NRXN1: variants seen among roughly 807,000 people sequenced by gnomAD.
The protein encoded by NRXN1 is neurexin-1.
A neutral mutation model predicts 150.9 loss-of-function variants in NRXN1; 39 were observed. The ratio of observed to expected loss-of-function variants is 0.26; its 90% CI spans 0.20 to 0.34. The LOEUF (loss-of-function observed/expected upper bound fraction) is 0.34, where lower values mean the gene tolerates loss of function less well. Among genes scored for constraint, NRXN1 ranks in the 10% least tolerant of loss-of-function variants. The pLI is 1.00. For synonymous variants in NRXN1, 924 were observed against 757.0 expected, an observed-to-expected ratio of 1.22 and a Z score of -3.62; for missense variants, 1,815 against 1,949.9, an observed-to-expected ratio of 0.93 and a Z score of 1.30.
chr2:50,176,336 T>G (rs2060353647), intron 18 of NRXN1, among the ~76,000 whole-genome samples: 1 of 152,130 alleles, frequency 6.6e-6, no homozygotes, highest in African/African-American at 2.4e-5. Flanking sequence ...ACAACTCAGT[T>G]TTGGAAACTT....
intron 8 of NRXN1, among the ~76,000 whole-genome samples, chr2:50,603,731 G>A (rs1436441594): frequency 1.3e-5 from 2 of 152,070 alleles, no homozygotes; most frequent in Non-Finnish European, 2.9e-5. Context: ...ATTGTAGAGA[G>A]GGACCTTAAG....
chr2:50,945,788 A>G (rs1690257416), intron 2 of NRXN1, among the ~76,000 whole-genome samples: 2 of 151,176 alleles, frequency 1.3e-5, no homozygotes, highest in Non-Finnish European at 2.9e-5. Flanking sequence ...CTCACATAAA[A>G]TTTAGATAAA....
chr2:50,146,586 T>A (rs188335279), intron 18 of NRXN1, among the ~76,000 whole-genome samples: 56 of 151,590 alleles, frequency 3.7e-4, no homozygotes, highest in Non-Finnish European at 1.0e-4. Flanking sequence ...TGAAAATAAA[T>A]GATAAGATAT....
At chr2:50,803,753 G>A (rs916301324) in intron 5 of NRXN1, among the ~76,000 whole-genome samples, 6 of 152,176 alleles carry the variant, frequency 3.9e-5, no homozygotes, top group Non-Finnish European at 5.9e-5. Flanking sequence ...GGATACTTAC[G>A]TTCAAGATCA....
chr2:50,719,507 T>A (rs1334142053), intron 5 of NRXN1, among the ~76,000 whole-genome samples: 2 of 151,898 alleles, frequency 1.3e-5, no homozygotes, highest in African/African-American at 4.8e-5. Flanking sequence ...AAATCCTGCC[T>A]CTACTAAAAA....
intron 5 of NRXN1, among the ~76,000 whole-genome samples, chr2:50,847,763 G>A (rs1309651123): frequency 6.6e-6 from 1 of 152,150 alleles, no homozygotes; most frequent in Non-Finnish European, 1.5e-5. Flanking sequence ...GTATGCAGGT[G>A]GAAGAGCACA....
intron 9 of NRXN1, among the ~76,000 whole-genome samples, chr2:50,543,601 T>A (rs1032767803): frequency 6.6e-6 from 1 of 152,120 alleles, no homozygotes; most frequent in Non-Finnish European, 1.5e-5. Flanking sequence ...TAAATTTATG[T>A]TTCTTGTAAA....
chr2:49,963,879 T>A (rs1465973838), intron 21 of NRXN1, among the ~76,000 whole-genome samples: 1 of 152,150 alleles, frequency 6.6e-6, no homozygotes, highest in Non-Finnish European at 1.5e-5. Context: ...TATAAAAGAA[T>A]AAAATATGTA....
rs926390748 is a variant in NRXN1, at chr2:50,515,018, T to C, written c.2375-8401A>G. Among the ~76,000 whole-genome samples, 14 of 152,282 alleles carry C rather than the reference T, an allele frequency of 9.2e-5. No homozygotes were observed. The South Asian group carries it at 1.0e-3, about 11-fold the overall frequency. On this transcript the variant is annotated intron_variant, in intron 12 of 22. Coordinates refer to ENST00000401669, the MANE Select transcript of NRXN1 (RefSeq NM_001330078.2). ...CCCAGGCCACAGACAGGTACCAGCC[T>C]GTTAGGAAGCATGCCGCACAGCAGG...
chr2:50,157,833 A>C (rs2059119080), intron 18 of NRXN1, among the ~76,000 whole-genome samples: 1 of 151,954 alleles, frequency 6.6e-6, no homozygotes, highest in Admixed American at 6.6e-5. Context: ...AGTAAAGTGA[A>C]TGTGTTGCTT....
At chr2:50,277,455 CCCTT>C (rs1205879635) in intron 17 of NRXN1, among the ~76,000 whole-genome samples, 1 of 70,030 alleles carries the variant, frequency 1.4e-5, no homozygotes, top group South Asian at 5.1e-4. Context: ...CTCTCTCCCT[CCCTT>C]CCTTCCTTCC....
intron 18 of NRXN1, among the ~76,000 whole-genome samples, chr2:50,196,176 T>C (rs1157670695): frequency 6.6e-6 from 1 of 152,064 alleles, no homozygotes; most frequent in African/African-American, 2.4e-5. Flanking sequence ...CCTATGTCCA[T>C]CTGCTGTCAT....
intron 18 of NRXN1, among the ~76,000 whole-genome samples, chr2:50,182,420 A>C (rs1001571195): frequency 1.3e-5 from 2 of 152,012 alleles, no homozygotes; most frequent in African/African-American, 4.8e-5. Context: ...GTTTTGGATA[A>C]TCTCATTCAA....
Position 50,346,841 on chromosome 2 carries a change from C to T in NRXN1, c.3365-109871G>A, listed in dbSNP as rs779244692. On this transcript the variant is annotated intron_variant, in intron 17 of 22. Coordinates refer to ENST00000401669, the MANE Select transcript of NRXN1 (RefSeq NM_001330078.2). The surrounding 1 kb of genome is among the most constrained non-coding windows in gnomAD (Gnocchi z 5.0). ...AGGAGGCCGCTGAGGGTGAGCGGGA[C>T]TATCCAAAGCAGGGCCAGGCGCCCC... is the stretch of plus-strand genomic sequence containing the variant. 1 of 1,603,130 alleles carries T rather than the reference C, an allele frequency of 6.2e-7. No homozygotes were observed. Among genetic ancestry groups the T allele is most frequent in the South Asian group, 1.1e-5 (1 of 90,008 alleles).
In NRXN1 at chr2:50,003,136, GA is replaced by G. The variant is rs539506061; in HGVS notation, c.4128+50134del. On this transcript the variant is annotated intron_variant, in intron 21 of 22. Transcript: ENST00000401669. ...AGTTATGTTCTAAGGCTTGGTGGAT[GA>G]GAATACCCTGATTAATTATGCATCA... Among the ~76,000 whole-genome samples the G allele has an allele frequency of 3.6e-3, 555 of 152,174 alleles. 5 individuals carry two copies. Among genetic ancestry groups the G allele is most frequent in the African/African-American group, 0.012 (510 of 41,548 alleles).
At chr2:50,512,537 A>G (rs1387412066) in intron 12 of NRXN1, among the ~76,000 whole-genome samples, 1 of 152,230 alleles carries the variant, frequency 6.6e-6, no homozygotes. Flanking sequence ...ATAGCATTCA[A>G]GGGATGCATA....
At chr2:50,086,744 T>C (rs910750936) in intron 19 of NRXN1, among the ~76,000 whole-genome samples, 40 of 152,080 alleles carry the variant, frequency 2.6e-4, no homozygotes, top group East Asian at 1.5e-3. Flanking sequence ...CCTAATGCTG[T>C]CTGGTGACAC....
At chr2:50,211,510 A>G in intron 18 of NRXN1, among the ~76,000 whole-genome samples, 1 of 151,620 alleles carries the variant, frequency 6.6e-6, no homozygotes, top group East Asian at 1.9e-4. Flanking sequence ...AAATGATAAT[A>G]AGACAAATAT....
chr2:51,022,340 A>G (rs1190746653), intron 2 of NRXN1, among the ~76,000 whole-genome samples: 1 of 152,132 alleles, frequency 6.6e-6, no homozygotes, highest in Admixed American at 6.6e-5. Flanking sequence ...ATTGAGGAAT[A>G]GAAAGTTTGA....
Sources: gnomAD v4.1 joint callset for allele counts (sites outside exome capture counted in the v4.1 genomes callset) on GRCh38, gnomAD v4.1.1 for gene constraint, Gnocchi (gnomAD v3.1) non-coding constraint, MANE v1.5 for transcripts, NCBI Gene and HGNC (gene_info 2026-07-23, HGNC 2026-07-21) for gene names.